GPATCH2: variants seen among roughly 807,000 people sequenced by gnomAD.
The protein encoded by GPATCH2 is G-patch domain containing 2, also known as G patch domain-containing protein 2.
A neutral mutation model predicts 58.0 loss-of-function variants in GPATCH2; 51 were observed. That is an observed-to-expected ratio of 0.88 (90% CI 0.70 to 1.11). The LOEUF is 1.11. GPATCH2 is among the 50% of genes most tolerant of loss of function. The probability of loss-of-function intolerance (pLI) is 0.00; values close to 1 mark genes in which losing one functional copy is unlikely to be tolerated. For synonymous variants in GPATCH2, 222 were observed against 218.5 expected, an observed-to-expected ratio of 1.02 and a Z score of -0.14; for missense variants, 625 against 652.2, an observed-to-expected ratio of 0.96 and a Z score of 0.45.
At chr1:217,519,374 A>G (rs1663335680) in intron 5 of GPATCH2, among the ~76,000 whole-genome samples, 1 of 152,244 alleles carries the variant, frequency 6.6e-6, no homozygotes, top group African/African-American at 2.4e-5. Context: ...TTTTAAAGCA[A>G]CATACAAACA....
chr1:217,541,669 T>A (rs1394445930), intron 5 of GPATCH2, among the ~76,000 whole-genome samples: 1 of 152,214 alleles, frequency 6.6e-6, no homozygotes, highest in African/African-American at 2.4e-5. Flanking sequence ...TTCAGCCACA[T>A]AAGTATCCTA....
At chr1:217,579,420 G>A (rs1666955089) in intron 5 of GPATCH2, among the ~76,000 whole-genome samples, 1 of 151,514 alleles carries the variant, frequency 6.6e-6, no homozygotes, top group South Asian at 2.1e-4. Context: ...TGCCCTGCCA[G>A]ATCTTTTTAA....
intron 8 of GPATCH2, among the ~76,000 whole-genome samples, chr1:217,482,190 A>G (rs1661243145): frequency 6.6e-6 from 1 of 152,188 alleles, no homozygotes; most frequent in African/African-American, 2.4e-5. Flanking sequence ...ATTTCATTTT[A>G]AATTTATTCT....
chr1:217,511,819 G>A, intron 6 of GPATCH2, among the ~76,000 whole-genome samples: 1 of 132,454 alleles, frequency 7.5e-6, no homozygotes, highest in South Asian at 2.4e-4. Context: ...CTGGAAGTCT[G>A]TGTGTGTGTG....
intron 5 of GPATCH2, among the ~76,000 whole-genome samples, chr1:217,548,936 G>T (rs12125844): frequency 0.23 from 34,331 of 152,020 alleles, 4,288 homozygotes; most frequent in East Asian, 0.36. Context: ...CTTCACAGCT[G>T]CATGAAAACA....
intron 5 of GPATCH2, among the ~76,000 whole-genome samples, chr1:217,607,746 G>A (rs1668429377): frequency 6.6e-6 from 1 of 152,126 alleles, no homozygotes; most frequent in Non-Finnish European, 1.5e-5. Context: ...ATGGCAAATA[G>A]TCAGAATCAA....
At chr1:217,444,106 A>C (rs189240174) in intron 9 of GPATCH2, among the ~76,000 whole-genome samples, 1 of 152,282 alleles carries the variant, frequency 6.6e-6, no homozygotes, top group East Asian at 1.9e-4. Flanking sequence ...CTAGAAACTC[A>C]TTGTGAGGGC....
chr1:217,572,750 T>C (rs1157683900), intron 5 of GPATCH2, among the ~76,000 whole-genome samples: 2 of 152,236 alleles, frequency 1.3e-5, no homozygotes, highest in East Asian at 1.9e-4. Flanking sequence ...CCAGAGGTTA[T>C]GATTTAATTG....
At chr1:217,544,417 A>ATG (rs1365733094) in intron 5 of GPATCH2, among the ~76,000 whole-genome samples, 1 of 152,074 alleles carries the variant, frequency 6.6e-6, no homozygotes, top group Non-Finnish European at 1.5e-5. Flanking sequence ...AAACCAAATT[A>ATG]TGTGATTCTC....
chr1:217,524,561 C>A (rs1044437255), intron 5 of GPATCH2, among the ~76,000 whole-genome samples: 1 of 151,812 alleles, frequency 6.6e-6, no homozygotes, highest in African/African-American at 2.4e-5. Flanking sequence ...TGCACTCCAG[C>A]CTCGGCACCA....
chr1:217,435,867 T>A (rs886687720), intron 9 of GPATCH2, among the ~76,000 whole-genome samples: 13 of 152,204 alleles, frequency 8.5e-5, no homozygotes, highest in African/African-American at 2.9e-4. Context: ...CATTTACTAA[T>A]ATAGAAATGC....
chr1:217,496,746 C>T (rs1279284730), intron 7 of GPATCH2, among the ~76,000 whole-genome samples: 1 of 152,048 alleles, frequency 6.6e-6, no homozygotes, highest in Non-Finnish European at 1.5e-5. Flanking sequence ...AAGATGAGAC[C>T]TGGGGCTCAA....
intron 9 of GPATCH2, among the ~76,000 whole-genome samples, chr1:217,435,656 A>G (rs1442724311): frequency 6.6e-6 from 1 of 152,140 alleles, no homozygotes; most frequent in Non-Finnish European, 1.5e-5. Flanking sequence ...TAGCCAGCTG[A>G]GGGGCTGGGC....
intron 5 of GPATCH2, among the ~76,000 whole-genome samples, chr1:217,589,528 G>A (rs1466583500): frequency 6.6e-6 from 1 of 152,130 alleles, no homozygotes; most frequent in Non-Finnish European, 1.5e-5. Flanking sequence ...GGTCTTTTGG[G>A]TCTTTGGCTT....
chr1:217,486,323 T>C (rs1181244816), intron 8 of GPATCH2, among the ~76,000 whole-genome samples: 1 of 152,208 alleles, frequency 6.6e-6, no homozygotes, highest in East Asian at 1.9e-4. Context: ...TGTGCTAACA[T>C]TTCTGCTTCT....
chr1:217,445,931 C>T (rs190388731), intron 9 of GPATCH2, among the ~76,000 whole-genome samples: 1 of 152,058 alleles, frequency 6.6e-6, no homozygotes, highest in Non-Finnish European at 1.5e-5. Flanking sequence ...GGCTTTAAAT[C>T]TTTTATTAAA....
intron 1 of GPATCH2, among the ~76,000 whole-genome samples, chr1:217,622,578 C>T (rs867401291): frequency 6.6e-6 from 1 of 152,222 alleles, no homozygotes; most frequent in Non-Finnish European, 1.5e-5. Flanking sequence ...GAGTCTCGCT[C>T]TGTTACCCAG....
chr1:217,556,887 T>C (rs1665658836), intron 5 of GPATCH2, among the ~76,000 whole-genome samples: 1 of 152,234 alleles, frequency 6.6e-6, no homozygotes. Flanking sequence ...TTTTTGCCAA[T>C]CTGGTGAAAT....
intron 5 of GPATCH2, among the ~76,000 whole-genome samples, chr1:217,560,332 T>C (rs1020603278): frequency 2.6e-5 from 4 of 152,182 alleles, no homozygotes; most frequent in African/African-American, 4.8e-5. Flanking sequence ...TCTGAGCAAA[T>C]GGTTTTGGAA....
Sources: allele counts gnomAD v4.1 joint callset (sites outside exome capture counted in the v4.1 genomes callset), GRCh38; gene constraint gnomAD v4.1.1; transcripts MANE v1.5; gene names NCBI Gene and HGNC (gene_info 2026-07-23, HGNC 2026-07-21).